Variants in IFFO2 observed in about 807,000 individuals in gnomAD.
IFFO2 encodes intermediate filament family orphan 2.
IFFO2 carries 19 observed loss-of-function variants against 53.5 expected under a neutral mutation model. That is an observed-to-expected ratio of 0.36 (90% CI 0.25 to 0.52). The LOEUF is 0.52. IFFO2 is among the 20% of genes least tolerant of loss of function. The probability of loss-of-function intolerance (pLI) is 0.94; values close to 1 mark genes in which losing one functional copy is unlikely to be tolerated. For missense variants in IFFO2, 570 were observed against 727.4 expected (o/e 0.78, Z 2.49); for synonymous variants, 303 against 313.6 (o/e 0.97, Z 0.36).
chr1:18,943,704 G>A (rs905901274), intron 1 of IFFO2, among the ~76,000 whole-genome samples: 2 of 152,116 alleles, frequency 1.3e-5, no homozygotes, highest in African/African-American at 2.4e-5. Flanking sequence ...TGGCAGATCG[G>A]GAAGGCAGAT....
At position 18,908,639 on chromosome 1, in the gene IFFO2, G is replaced by A. The variant is rs756761216; in HGVS notation, c.1476C>T (p.Ala492=). 4 of 1,551,480 alleles carry A rather than the reference G, an allele frequency of 2.6e-6. No individual in the cohort carries two copies. Among genetic ancestry groups the A allele is most frequent in the Non-Finnish European group, 3.5e-6 (4 of 1,146,894 alleles). ...DRNSPSPSSV[A]SSDSGSTDEI... Reference sequence around the variant, plus strand: ...CATCTGTACTTCCTGAGTCGCTGCTGGCCACGGAGCTGGGGGACGGTGAAT... The same window carrying A: ...CATCTGTACTTCCTGAGTCGCTGCTAGCCACGGAGCTGGGGGACGGTGAAT... Residue 492 remains alanine, a synonymous_variant, in exon 9 of 9, where the codon GCC becomes GCT. Coordinates refer to ENST00000455833, the MANE Select transcript of IFFO2 (RefSeq NM_001136265.2).
At chr1:18,926,062 A>AT (rs1936290165) in intron 1 of IFFO2, among the ~76,000 whole-genome samples, 2 of 55,768 alleles carry the variant, frequency 3.6e-5, no homozygotes, top group South Asian at 1.2e-3. Flanking sequence ...GATTGGTTGG[A>AT]TGGATGGATG....
intron 2 of IFFO2, among the ~76,000 whole-genome samples, chr1:18,920,275 C>A (rs1936198731): frequency 6.6e-6 from 1 of 152,088 alleles, no homozygotes; most frequent in Non-Finnish European, 1.5e-5. Flanking sequence ...TGACGATGAA[C>A]CCGTTAAATT....
chr1:18,916,461 T>G lies in IFFO2; in HGVS notation c.1103+442A>C, dbSNP rs1936133997. On this transcript the variant is annotated intron_variant, in intron 5 of 8. Coordinates refer to ENST00000455833, the MANE Select transcript of IFFO2 (RefSeq NM_001136265.2). This position sits in a 1 kb window ranked among gnomAD's most constrained non-coding sequence, Gnocchi z 4.3. Reference sequence around the variant, plus strand: ...GCTGAACATATGAAATTTCCCAAATTACAAATGTTGAAAATGAGTCTTGGC... The same window carrying G: ...GCTGAACATATGAAATTTCCCAAATGACAAATGTTGAAAATGAGTCTTGGC... Among the ~76,000 whole-genome samples, 1 of 152,046 alleles carries G rather than the reference T, an allele frequency of 6.6e-6. No homozygotes were observed. Among genetic ancestry groups the G allele is most frequent in the Non-Finnish European group, 1.5e-5 (1 of 68,012 alleles).
intron 2 of IFFO2, among the ~76,000 whole-genome samples, chr1:18,920,150 G>A (rs1275509126): frequency 3.3e-5 from 5 of 152,308 alleles, no homozygotes; most frequent in African/African-American, 9.6e-5. Flanking sequence ...TCTGAAGAGC[G>A]TGGGTGTGTG....
intron 5 of IFFO2, among the ~76,000 whole-genome samples, chr1:18,915,152 G>A (rs572066124): frequency 1.3e-5 from 2 of 152,282 alleles, no homozygotes; most frequent in South Asian, 4.1e-4. Flanking sequence ...TTGGGGGCCT[G>A]GCTCTGTGTG....
intron 1 of IFFO2, among the ~76,000 whole-genome samples, chr1:18,942,144 G>A (rs917845351): frequency 1.3e-5 from 2 of 152,214 alleles, no homozygotes; most frequent in African/African-American, 4.8e-5. Context: ...GGGATGGGAT[G>A]ATGAGAACCA....
intron 1 of IFFO2, among the ~76,000 whole-genome samples, chr1:18,925,373 G>A (rs892517827): frequency 7.2e-5 from 11 of 152,212 alleles, no homozygotes; most frequent in Non-Finnish European, 1.6e-4. Flanking sequence ...GGAGGCCCCA[G>A]GATCTCCTCT....
chr1:18,926,542 G>C (rs867021181), intron 1 of IFFO2, among the ~76,000 whole-genome samples: 2 of 152,200 alleles, frequency 1.3e-5, no homozygotes, highest in African/African-American at 4.8e-5. Context: ...AGCACTCTCT[G>C]AGGCTGGTGG....
chr1:18,910,899 G>A (rs1016382191), intron 7 of IFFO2, among the ~76,000 whole-genome samples: 4 of 152,190 alleles, frequency 2.6e-5, no homozygotes, highest in Non-Finnish European at 5.9e-5. Context: ...AATGACTATC[G>A]TTTATAGAAG....
chr1:18,908,389 G>A lies in IFFO2; in HGVS notation c.*172C>T. 1 of 591,012 alleles carries A rather than the reference G, an allele frequency of 1.7e-6. No individual in the cohort carries two copies. Among genetic ancestry groups the A allele is most frequent in the Non-Finnish European group, 3.0e-6 (1 of 328,210 alleles). The allele number at this position is 591,012 out of a possible 1,614,324, so 36.6% of individuals were successfully genotyped here. On this transcript the variant is annotated 3_prime_UTR_variant, in exon 9 of 9. Transcript: ENST00000455833. ...GATGGAGACGGGGCACCCGTTGGTGGTGTGGAAGGAAGGAAGGAAGCAGCA... is the reference window on the plus strand; with the variant it reads ...GATGGAGACGGGGCACCCGTTGGTGATGTGGAAGGAAGGAAGGAAGCAGCA...
At chr1:18,950,519 A>G (rs1484325611) in intron 1 of IFFO2, among the ~76,000 whole-genome samples, 1 of 152,228 alleles carries the variant, frequency 6.6e-6, no homozygotes, top group Non-Finnish European at 1.5e-5. Flanking sequence ...AGAGAGGCCA[A>G]GCCACTTGCC....
intron 1 of IFFO2, among the ~76,000 whole-genome samples, chr1:18,925,615 C>T (rs141280941): frequency 1.6e-4 from 25 of 152,338 alleles, no homozygotes; most frequent in Middle Eastern, 3.4e-3. Context: ...GCACAGGAGC[C>T]GGGTCTCAGG....
At chr1:18,923,517 A>G (rs991407473) in intron 1 of IFFO2, among the ~76,000 whole-genome samples, 2 of 152,132 alleles carry the variant, frequency 1.3e-5, no homozygotes, top group Non-Finnish European at 2.9e-5. Flanking sequence ...GGCCCCACAC[A>G]CCCGGCTCAC....
At chr1:18,951,774 C>T (rs1484584371) in intron 1 of IFFO2, among the ~76,000 whole-genome samples, 1 of 152,200 alleles carries the variant, frequency 6.6e-6, no homozygotes, top group Non-Finnish European at 1.5e-5. Context: ...GGATGGCCAG[C>T]GCTGCCTATG....
At chr1:18,930,632 G>A (rs1487919790) in intron 1 of IFFO2, among the ~76,000 whole-genome samples, 1 of 152,228 alleles carries the variant, frequency 6.6e-6, no homozygotes, top group East Asian at 1.9e-4. Context: ...CAGCAGGTGG[G>A]TCCAGGGCAG....
chr1:18,951,086 C>G (rs1428765115), intron 1 of IFFO2, among the ~76,000 whole-genome samples: 2 of 152,172 alleles, frequency 1.3e-5, no homozygotes, highest in East Asian at 1.9e-4. Context: ...CTTGGTTTCC[C>G]CACCTTTAAA....
intron 1 of IFFO2, among the ~76,000 whole-genome samples, chr1:18,934,709 G>T (rs1936422618): frequency 6.6e-6 from 1 of 152,164 alleles, no homozygotes; most frequent in African/African-American, 2.4e-5. Context: ...TTTCTTATGA[G>T]ATTTTCTCTT....
chr1:18,931,990 G>A (rs1936382624), intron 1 of IFFO2, among the ~76,000 whole-genome samples: 1 of 152,234 alleles, frequency 6.6e-6, no homozygotes, highest in South Asian at 2.1e-4. Context: ...AACCCAGGGT[G>A]CAGGAAGGCC....
Sources: allele counts gnomAD v4.1 joint callset (sites outside exome capture counted in the v4.1 genomes callset), GRCh38; gene constraint gnomAD v4.1.1; non-coding constraint Gnocchi (gnomAD v3.1); transcripts MANE v1.5; gene names NCBI Gene and HGNC (gene_info 2026-07-23, HGNC 2026-07-21).